Variants in CENPI observed in about 807,000 individuals in gnomAD.
The protein encoded by CENPI is centromere protein I, also known as FSH primary response 1.
Under a neutral mutation model 60.4 loss-of-function variants are expected in CENPI, and 4 were observed. The ratio of observed to expected loss-of-function variants is 0.07; its 90% CI spans 0.03 to 0.15. The LOEUF is 0.15. Ranked by LOEUF, CENPI falls within the 10% of genes least tolerant of loss-of-function variation. The pLI, the probability that CENPI is intolerant of heterozygous loss-of-function variation, is 1.00. For synonymous variants in CENPI, 157 were observed against 189.4 expected, an observed-to-expected ratio of 0.83 and a Z score of 1.40; for missense variants, 444 against 534.5, an observed-to-expected ratio of 0.83 and a Z score of 1.67.
At chrX:101,126,116 GT>G (rs1226096097) in intron 8 of CENPI, among the ~76,000 whole-genome samples, 1 of 112,086 alleles carries the variant, frequency 8.9e-6, no homozygotes, top group Admixed American at 9.5e-5. Flanking sequence ...AAACAATTTG[GT>G]TACTTCCTTA....
Position 101,106,417 on chromosome X carries a change from CTT to C in CENPI, c.365-3041_365-3040del, listed in dbSNP as rs148918897. 6.5e-4 allele frequency among the ~76,000 whole-genome samples: 62 copies of C among 95,367 alleles called. No individual in the cohort carries two copies. In the East Asian group the frequency reaches 0.01, roughly 16 times the overall value. 82.8% of individuals were successfully genotyped at this position (95,367 alleles called of 115,157 possible). On this transcript the variant is annotated intron_variant, in intron 4 of 21. Coordinates refer to ENST00000682095, the MANE Select transcript of CENPI (RefSeq NM_001386188.2). ...TATTCAAAGCCAGTCTCTATGACAT[CTT>C]TTTTTTTTTTTTTTGAGATGGAGTT... is the stretch of plus-strand genomic sequence containing the variant.
At chrX:101,166,940 A>G (rs754653386), downstream of CENPI, among the ~76,000 whole-genome samples, 22 of 111,808 alleles carry the variant, frequency 2.0e-4, no homozygotes, top group African/African-American at 6.5e-4. Flanking sequence ...TTGTGTTTTT[A>G]GTAGAGACGG....
intron 8 of CENPI, among the ~76,000 whole-genome samples, chrX:101,122,870 A>AAAAC (rs767723252): frequency 3.0e-4 from 33 of 111,768 alleles, no homozygotes; most frequent in African/African-American, 2.3e-4. Context: ...CGTCTCCAAA[A>AAAAC]AAACAAACAA....
At position 101,144,860 on chromosome X, in the gene CENPI, G is replaced by T. The variant is rs146031637; in HGVS notation, c.1566-204G>T. On this transcript the variant is annotated intron_variant, in intron 16 of 21. Transcript: ENST00000682095. ...AGTCTGATTGCTTAGAATGTTCTATGAATTCGTCTTAATGGTTCCCTGGAG... is the reference window on the plus strand; with the variant it reads ...AGTCTGATTGCTTAGAATGTTCTATTAATTCGTCTTAATGGTTCCCTGGAG... Among the ~76,000 whole-genome samples, 380 of 111,723 alleles carry T rather than the reference G, an allele frequency of 3.4e-3. 3 individuals carry two copies. The highest frequency in any genetic ancestry group is 6.4e-3 in the South Asian group (17 of 2,675).
At chrX:101,179,268 C>G in the CENPI span, among the ~76,000 whole-genome samples, 1 of 112,345 alleles carries the variant, frequency 8.9e-6, no homozygotes, top group Non-Finnish European at 1.9e-5. Flanking sequence ...TGGAATCATA[C>G]AATATGTGGC....
chrX:101,121,196 G>T (rs2089674970), intron 8 of CENPI, among the ~76,000 whole-genome samples: 1 of 111,399 alleles, frequency 9.0e-6, no homozygotes, highest in African/African-American at 3.3e-5. Flanking sequence ...TATCTTTAAG[G>T]AACTTATTTT....
chrX:101,102,268 T>C lies in CENPI; in HGVS notation c.227-6T>C. 1 of 1,155,912 alleles carries C rather than the reference T, an allele frequency of 8.7e-7. No individual in the cohort carries two copies. Among genetic ancestry groups the C allele is most frequent in the Non-Finnish European group, 1.2e-6 (1 of 861,848 alleles). On this transcript the variant is annotated splice_region_variant and splice_polypyrimidine_tract_variant and intron_variant, in intron 3 of 21. Transcript: ENST00000682095. ...TCTCACTATTTAATATTGTTTCTTT[T>C]TTCAGGTCCCATTAAAGCTTCACAG...
chrX:101,131,781 G>T lies in CENPI; in HGVS notation c.1288-409G>T, dbSNP rs2089797832. On this transcript the variant is annotated intron_variant, in intron 13 of 21. Coordinates refer to ENST00000682095, the MANE Select transcript of CENPI (RefSeq NM_001386188.2). ...CAACCTAGACATTTGAGCCTCTAAA[G>T]ATGGAGCTGCTCAGAGTTGGGATTT... Among the ~76,000 whole-genome samples, 6 of 111,754 alleles carry T rather than the reference G, an allele frequency of 5.4e-5. No homozygotes were observed. The South Asian group carries it at 2.2e-3, about 42-fold the overall frequency.
At position 101,164,581 on chromosome X, in the gene CENPI, C is replaced by CT. The variant is rs1200804443; in HGVS notation, c.*1616dup. Among the ~76,000 whole-genome samples the CT allele has an allele frequency of 8.9e-6, 1 of 111,865 alleles. No individual in the cohort carries two copies. Among genetic ancestry groups the CT allele is most frequent in the Non-Finnish European group, 1.9e-5 (1 of 53,253 alleles). On this transcript the variant is annotated 3_prime_UTR_variant, in exon 22 of 22. Transcript: ENST00000682095. ...TCTTGATCTCAAGTGATCAACCCGC[C>CT]TTGGCCTCCCAAAGTGTTGGGATTA...
At chrX:101,134,878 G>A (rs2089830326) in intron 15 of CENPI, among the ~76,000 whole-genome samples, 1 of 110,370 alleles carries the variant, frequency 9.1e-6, no homozygotes, top group African/African-American at 3.3e-5. Context: ...ACAAAAATTA[G>A]CCGGGCGTGC....
chrX:101,098,494 T>C lies in CENPI; in HGVS notation c.-59T>C, dbSNP rs926538487. 1 of 111,318 alleles carries C rather than the reference T, an allele frequency of 9.0e-6. No homozygotes were observed. The highest frequency in any genetic ancestry group is 3.3e-5 in the African/African-American group (1 of 30,672). 9.2% of individuals were successfully genotyped at this position (111,318 alleles called of 1,213,427 possible). Reference sequence around the variant, plus strand: ...GTAACGTCCCACTGGTTTGGACATATTCCTCTCCTGATCTGGCCTCATCTG... The same window carrying C: ...GTAACGTCCCACTGGTTTGGACATACTCCTCTCCTGATCTGGCCTCATCTG... On this transcript the variant is annotated 5_prime_UTR_variant, in exon 2 of 22. Transcript: ENST00000682095.
chrX:101,121,587 C>T (rs977686892), intron 8 of CENPI, among the ~76,000 whole-genome samples: 1 of 109,889 alleles, frequency 9.1e-6, no homozygotes, highest in Admixed American at 9.9e-5. Flanking sequence ...CTGCACCCGG[C>T]CTGCTTGAGA....
chrX:101,140,001 A>AT (rs779892345), intron 15 of CENPI, among the ~76,000 whole-genome samples: 6 of 109,315 alleles, frequency 5.5e-5, no homozygotes, highest in Admixed American at 9.8e-5. Context: ...CGCCTGGCTA[A>AT]TTTTTTTTGT....
At chrX:101,181,700 C>G in the CENPI span, among the ~76,000 whole-genome samples, 1 of 111,906 alleles carries the variant, frequency 8.9e-6, no homozygotes, top group Non-Finnish European at 1.9e-5. Flanking sequence ...TTAGAATTAT[C>G]TGTATACAAG....
intron 4 of CENPI, among the ~76,000 whole-genome samples, chrX:101,105,679 A>G (rs1026905406): frequency 1.8e-5 from 2 of 111,149 alleles, no homozygotes; most frequent in African/African-American, 6.5e-5. Flanking sequence ...GACTCAAGCA[A>G]TCCTCCCATC....
chrX:101,149,477 T>C (rs2089988684), intron 20 of CENPI, among the ~76,000 whole-genome samples: 1 of 109,444 alleles, frequency 9.1e-6, no homozygotes, highest in African/African-American at 3.3e-5. Flanking sequence ...CTACACTGGC[T>C]GAGCAGCAGA....
In CENPI at chrX:101,156,567, G is replaced by T. The variant is rs1004669865; in HGVS notation, c.2095-4961G>T. ...ATTTGGTTACATGAGTAAGTTCTTT[G>T]GTGGTGATTTGTGAGATTTTGGTGC... On this transcript the variant is annotated intron_variant, in intron 20 of 21. Transcript: ENST00000682095. Among the ~76,000 whole-genome samples the T allele has an allele frequency of 5.5e-5, 6 of 109,964 alleles. No homozygotes were observed. The East Asian group carries it at 1.7e-3, about 31-fold the overall frequency.
chrX:101,110,030 A>G, intron 6 of CENPI, 32 bp downstream of exon 6: 1 of 857,409 alleles, frequency 1.2e-6, no homozygotes, highest in Non-Finnish European at 1.7e-6. Flanking sequence ...TTAGGCATCA[A>G]TCAAATAGTA....
chrX:101,178,756 A>T, the CENPI span, among the ~76,000 whole-genome samples: 1 of 111,644 alleles, frequency 9.0e-6, no homozygotes, highest in African/African-American at 3.3e-5. Flanking sequence ...GCCACTTTAC[A>T]TAAGAGTACT....
Sources: allele counts gnomAD v4.1 joint callset (sites outside exome capture counted in the v4.1 genomes callset), GRCh38; gene constraint gnomAD v4.1.1; transcripts MANE v1.5; gene names NCBI Gene and HGNC (gene_info 2026-07-23, HGNC 2026-07-21).